Variants in SEC62 observed in about 807,000 individuals in gnomAD.
SEC62 encodes translocation protein SEC62.
In SEC62, 10 loss-of-function variants were observed where a neutral mutation model predicts 47.5. That is an observed-to-expected ratio of 0.21 (90% CI 0.13 to 0.36). SEC62 has a LOEUF of 0.36. Among genes scored for constraint, SEC62 ranks in the 10% least tolerant of loss-of-function variants. SEC62 has a pLI of 1.00. For synonymous variants in SEC62, 136 were observed against 150.5 expected, an observed-to-expected ratio of 0.90 and a Z score of 0.71; for missense variants, 327 against 464.1, an observed-to-expected ratio of 0.70 and a Z score of 2.71.
At chr3:169,973,201 CAT>C (rs112413070) in intron 1 of SEC62, among the ~76,000 whole-genome samples, 15 of 152,248 alleles carry the variant, frequency 9.9e-5, no homozygotes, top group African/African-American at 3.6e-4. Context: ...CTGATACTAA[CAT>C]ATATTAATAT....
rs1191476703 is a variant in SEC62, at chr3:169,973,678, AT to A, written c.37-1929del. Reference sequence around the variant, plus strand: ...ACTGCGTCTCAAAAAAAAAAAAAAAATCTACTTTTTGTGATACGTATTTTCA... The same window carrying A: ...ACTGCGTCTCAAAAAAAAAAAAAAAACTACTTTTTGTGATACGTATTTTCA... On this transcript the variant is annotated intron_variant, in intron 1 of 7. Coordinates refer to ENST00000337002, the MANE Select transcript of SEC62 (RefSeq NM_003262.4). Among the ~76,000 whole-genome samples, 16 of 151,838 alleles carry A rather than the reference AT, an allele frequency of 1.1e-4. 1 individual carries two copies. In the East Asian group the frequency reaches 2.7e-3, roughly 26 times the overall value.
In SEC62 at chr3:169,995,964, GC is replaced by G. The variant is rs1715364602; in HGVS notation, c.*2904del. ...TTTTTACCCTTAGGAACAGCTTTTT[GC>G]CCTTAGCACTATGCTTGGGGGCCAT... On this transcript the variant is annotated 3_prime_UTR_variant, in exon 8 of 8. Coordinates refer to ENST00000337002, the MANE Select transcript of SEC62 (RefSeq NM_003262.4). The G allele has an allele frequency of 6.6e-6, 1 of 152,204 alleles. No individual in the cohort carries two copies. Among genetic ancestry groups the G allele is most frequent in the East Asian group, 1.9e-4 (1 of 5,184 alleles). The allele number at this position is 152,204 out of a possible 1,614,324, so 9.4% of individuals were successfully genotyped here. A position where few individuals can be genotyped will look rare whatever the true frequency, so the allele number is the denominator to read the frequency against.
intron 3 of SEC62, among the ~76,000 whole-genome samples, chr3:169,980,599 C>T (rs1714949043): frequency 6.6e-6 from 1 of 152,186 alleles, no homozygotes; most frequent in Non-Finnish European, 1.5e-5. Flanking sequence ...AGTATCTACT[C>T]ATCAGGGAAA....
At chr3:169,968,508 T>C (rs1487472809) in intron 1 of SEC62, 2 of 150,612 alleles carry the variant, frequency 1.3e-5, no homozygotes, top group Non-Finnish European at 3.0e-5. Context: ...CCTCCCTGTC[T>C]GCATCGGTAA....
In SEC62 at chr3:169,983,266, C is replaced by A; in HGVS notation, c.549+13C>A. The A allele has an allele frequency of 6.4e-7, 1 of 1,568,326 alleles. No individual in the cohort carries two copies. The highest frequency in any genetic ancestry group is 8.7e-7 in the Non-Finnish European group (1 of 1,152,968). On this transcript the variant is annotated intron_variant, in intron 5 of 7. Transcript: ENST00000337002. ...GGATGGAAATGAGGTGAGAGTAAGCCTATAACTAGAAGTTCAGTTTTCTAT... is the reference window on the plus strand; with the variant it reads ...GGATGGAAATGAGGTGAGAGTAAGCATATAACTAGAAGTTCAGTTTTCTAT...
rs1160789880 is a variant in SEC62 at position 169,983,245 on chromosome 3, G to A, written c.541G>A (p.Gly181Arg). The A allele has an allele frequency of 6.2e-7, 1 of 1,610,238 alleles. No homozygotes were observed. The highest frequency in any genetic ancestry group is 8.5e-7 in the Non-Finnish European group (1 of 1,177,430). The change falls in exon 5 of 8, where the codon GGA becomes AGA. Residue 181 changes from glycine (G) to arginine (R), a missense_variant. Gly to Arg is a moderately radical substitution (Grantham distance 125). Coordinates refer to ENST00000337002, the MANE Select transcript of SEC62 (RefSeq NM_003262.4). ...EPHDDQVFLD[G>R]NEVYVWIYDP... is the part of the protein sequence containing the mutation. ...ACATGATGATCAGGTTTTTCTGGAT[G>A]GAAATGAGGTGAGAGTAAGCCTATA... is the stretch of plus-strand genomic sequence containing the variant.
Position 169,983,160 on chromosome 3 carries a change from G to T in SEC62, c.457-1G>T. 1.2e-6 allele frequency: 2 copies of T among 1,605,166 alleles called. No individual in the cohort carries two copies. Among genetic ancestry groups the T allele is most frequent in the South Asian group, 2.2e-5 (2 of 89,954 alleles). On this transcript the variant is annotated splice_acceptor_variant, in intron 4 of 7. Coordinates refer to ENST00000337002, the MANE Select transcript of SEC62 (RefSeq NM_003262.4). LOFTEE classifies it high-confidence loss of function. ...CTTCTGTCCAACTTGTGTTTTCATA[G>T]GAGGAAACTCCAGGAACTCCTAAAA...
In SEC62 at chr3:169,982,842, T is replaced by C. The variant is rs755273845; in HGVS notation, c.387T>C (p.Asn129=). Residue 129 remains asparagine, a synonymous_variant, in exon 4 of 8, where the codon AAT becomes AAC. Transcript: ENST00000337002. ...KEEDKKSKKE[N]IKDEKTKKEK... ...AAGATAAAAAGAGCAAGAAAGAAAA[T>C]ATAAAGGATGAGAAGACAAAAAAAG... 5 of 1,539,886 alleles carry C rather than the reference T, an allele frequency of 3.2e-6. No homozygotes were observed. In the East Asian group the frequency reaches 1.2e-4, roughly 37 times the overall value.
intron 6 of SEC62, among the ~76,000 whole-genome samples, chr3:169,986,888 G>A (rs1406844295): frequency 3.3e-5 from 5 of 152,030 alleles, no homozygotes; most frequent in Middle Eastern, 3.4e-3. Context: ...ACTACACCCC[G>A]CTAATTTTTG....
At chr3:169,977,501 T>C (rs1354847408) in intron 3 of SEC62, among the ~76,000 whole-genome samples, 1 of 152,186 alleles carries the variant, frequency 6.6e-6, no homozygotes, top group African/African-American at 2.4e-5. Context: ...GTATTTCTTC[T>C]AAAATCAAGG....
chr3:169,989,778 A>G (rs1715195656), intron 7 of SEC62, among the ~76,000 whole-genome samples: 1 of 152,020 alleles, frequency 6.6e-6, no homozygotes, highest in Admixed American at 6.5e-5. Flanking sequence ...TATGCTGTGG[A>G]TTTAAATATG....
intron 7 of SEC62, among the ~76,000 whole-genome samples, chr3:169,990,724 T>G (rs1715230707): frequency 6.6e-6 from 1 of 152,224 alleles, no homozygotes; most frequent in Non-Finnish European, 1.5e-5. Flanking sequence ...ATCATAATTT[T>G]AAGCATATTT....
At chr3:169,971,002 T>C (rs1714683471) in intron 1 of SEC62, among the ~76,000 whole-genome samples, 1 of 151,998 alleles carries the variant, frequency 6.6e-6, no homozygotes, top group African/African-American at 2.4e-5. Flanking sequence ...AAGTGAAGAC[T>C]GCATGCACGT....
chr3:169,986,471 A>G (rs1008292087), intron 6 of SEC62, among the ~76,000 whole-genome samples: 7 of 152,224 alleles, frequency 4.6e-5, no homozygotes, highest in African/African-American at 1.7e-4. Flanking sequence ...TTCCACTTTA[A>G]GGAATTTACC....
intron 6 of SEC62, among the ~76,000 whole-genome samples, chr3:169,987,189 G>A (rs760937382): frequency 6.6e-6 from 1 of 152,014 alleles, no homozygotes; most frequent in Admixed American, 6.6e-5. Flanking sequence ...CACTTTAGGA[G>A]GCCAAGGCAG....
rs1399182366 is a variant in SEC62 at position 169,998,135 on chromosome 3, T to G, written c.*5072T>G. On this transcript the variant is annotated 3_prime_UTR_variant, in exon 8 of 8. Transcript: ENST00000337002. Reference sequence around the variant, plus strand: ...TCATGTATCTTCTGAATTCTATCCGTGAATCCCTTAGAGGTCTGTGAATTG... The same window carrying G: ...TCATGTATCTTCTGAATTCTATCCGGGAATCCCTTAGAGGTCTGTGAATTG... 6.6e-6 allele frequency: 1 copy of G among 152,212 alleles called. No individual in the cohort carries two copies. Among genetic ancestry groups the G allele is most frequent in the Non-Finnish European group, 1.5e-5 (1 of 68,040 alleles). 9.4% of individuals were successfully genotyped at this position (152,212 alleles called of 1,614,324 possible).
At chr3:169,970,834 A>G (rs1714677944) in intron 1 of SEC62, among the ~76,000 whole-genome samples, 1 of 152,214 alleles carries the variant, frequency 6.6e-6, no homozygotes, top group Non-Finnish European at 1.5e-5. Context: ...ACTATTCCCA[A>G]AAGGCCTTCA....
chr3:169,971,312 C>A (rs916333810), intron 1 of SEC62, among the ~76,000 whole-genome samples: 13 of 152,024 alleles, frequency 8.6e-5, no homozygotes, highest in Non-Finnish European at 2.9e-5. Flanking sequence ...TGGTCTCATG[C>A]GATCCACCTC....
At position 169,998,262 on chromosome 3, in the gene SEC62, ATAT is replaced by A. The variant is rs138394050; in HGVS notation, c.*5204_*5206del. 2.2e-4 allele frequency: 33 copies of A among 152,318 alleles called. No homozygotes were observed. Among genetic ancestry groups the A allele is most frequent in the African/African-American group, 4.1e-4 (17 of 41,570 alleles). The allele number at this position is 152,318 out of a possible 1,614,324, so 9.4% of individuals were successfully genotyped here. A position where few individuals can be genotyped will look rare whatever the true frequency, so the allele number is the denominator to read the frequency against. On this transcript the variant is annotated 3_prime_UTR_variant, in exon 8 of 8. Transcript: ENST00000337002. Reference sequence around the variant, plus strand: ...TGATACTTCGCATAATTCAATTTTAATATTATTCACATTTCATGTCACAAATTT... The same window carrying A: ...TGATACTTCGCATAATTCAATTTTAATATTCACATTTCATGTCACAAATTT...
Sources: gnomAD v4.1 joint callset for allele counts (sites outside exome capture counted in the v4.1 genomes callset) on GRCh38, gnomAD v4.1.1 for gene constraint, MANE v1.5 for transcripts, NCBI Gene and HGNC (gene_info 2026-07-23, HGNC 2026-07-21) for gene names.